Variants in RUNX1 observed in about 807,000 individuals in gnomAD.
RUNX1 encodes RUNX family transcription factor 1, also known as runt-related transcription factor 1.
RUNX1 carries 19 observed loss-of-function variants against 42.8 expected under a neutral mutation model. The ratio of observed to expected loss-of-function variants is 0.44; its 90% confidence interval spans 0.31 to 0.65. The LOEUF is 0.65. Among genes scored for constraint, RUNX1 ranks in the 30% least tolerant of loss-of-function variants. The probability of loss-of-function intolerance (pLI) is 0.07; values close to 1 mark genes in which losing one functional copy is unlikely to be tolerated. For synonymous variants in RUNX1, 271 were observed against 289.4 expected, an observed-to-expected ratio of 0.94 and a Z score of 0.64; for missense variants, 528 against 672.0, an observed-to-expected ratio of 0.79 and a Z score of 2.37.
At position 34,793,321 on chromosome 21, in the gene RUNX1, T is replaced by C. The variant is rs550482737; in HGVS notation, c.968-711A>G. 2.2e-4 allele frequency among the ~76,000 whole-genome samples: 33 copies of C among 152,208 alleles called. 1 individual carries two copies. The East Asian group carries it at 6.4e-3, about 29-fold the overall frequency. On this transcript the variant is annotated intron_variant, in intron 8 of 8. Transcript: ENST00000675419. Reference sequence around the variant, plus strand: ...TCATGTAATGTAATATGACATGATATATGAAATGATGTAGTATAGCATAAT... The same window carrying C: ...TCATGTAATGTAATATGACATGATACATGAAATGATGTAGTATAGCATAAT...
At chr21:35,028,401 CA>C (rs1478578033) in intron 2 of RUNX1, among the ~76,000 whole-genome samples, 1 of 152,210 alleles carries the variant, frequency 6.6e-6, no homozygotes, top group East Asian at 1.9e-4. Flanking sequence ...TTGCTGTTCA[CA>C]GGCGAGCCTC....
intron 2 of RUNX1, among the ~76,000 whole-genome samples, chr21:34,917,687 G>A (rs894843453): frequency 1.3e-5 from 2 of 152,068 alleles, no homozygotes; most frequent in South Asian, 2.1e-4. Context: ...AGCCTGGAAC[G>A]TTGAGCCCTC....
intron 2 of RUNX1, among the ~76,000 whole-genome samples, chr21:35,028,007 A>C (rs1183491929): frequency 6.6e-6 from 1 of 152,222 alleles, no homozygotes; most frequent in African/African-American, 2.4e-5. Flanking sequence ...AATCCATGGT[A>C]TATGAATAAA....
intron 3 of RUNX1, chr21:34,889,900 G>GGGGCTGCAACCCC: frequency 9.7e-7 from 1 of 1,034,366 alleles, no homozygotes; most frequent in Non-Finnish European, 1.2e-6. Context: ...CATCCACCCC[G>GGGGCTGCAACCCC]GGGCTGCAAC....
intron 2 of RUNX1, among the ~76,000 whole-genome samples, chr21:35,041,486 G>A (rs562261342): frequency 6.7e-4 from 102 of 152,122 alleles, no homozygotes; most frequent in Non-Finnish European, 1.2e-3. Flanking sequence ...GACACATATG[G>A]ACCATGGCAT....
At chr21:34,825,678 G>A (rs983183370) in intron 7 of RUNX1, among the ~76,000 whole-genome samples, 2 of 152,206 alleles carry the variant, frequency 1.3e-5, no homozygotes, top group Non-Finnish European at 2.9e-5. Flanking sequence ...CAAAGATACA[G>A]CAGTTTGAAC....
chr21:35,022,265 G>A (rs1193785787), intron 2 of RUNX1, among the ~76,000 whole-genome samples: 1 of 152,182 alleles, frequency 6.6e-6, no homozygotes. Flanking sequence ...GGTGTGTGCA[G>A]GCAAGGGCAT....
At position 34,792,847 on chromosome 21, in the gene RUNX1, A is replaced by T. The variant is rs2056468588; in HGVS notation, c.968-237T>A. 6.6e-6 allele frequency among the ~76,000 whole-genome samples: 1 copy of T among 150,780 alleles called. No homozygotes were observed. Among genetic ancestry groups the T allele is most frequent in the Non-Finnish European group, 1.5e-5 (1 of 67,610 alleles). ...GGACCACCCAGGATGCCACCTCCTG[A>T]GATGACGAGGATCACCCAGCATGTC... On this transcript the variant is annotated intron_variant, in intron 8 of 8. Transcript: ENST00000675419. The surrounding 1 kb of genome is among the most constrained non-coding windows in gnomAD (Gnocchi z 6.9).
intron 2 of RUNX1, among the ~76,000 whole-genome samples, chr21:34,919,551 C>T (rs997136984): frequency 6.6e-6 from 1 of 152,200 alleles, no homozygotes; most frequent in Admixed American, 6.5e-5. Flanking sequence ...GGGGGCTTCA[C>T]TCACTCCTTA....
At chr21:34,943,918 C>G (rs2058546101) in intron 2 of RUNX1, among the ~76,000 whole-genome samples, 1 of 152,194 alleles carries the variant, frequency 6.6e-6, no homozygotes, top group Non-Finnish European at 1.5e-5. Flanking sequence ...CACCCTTTCT[C>G]TTTTCCCCAA....
chr21:34,995,622 G>A (rs1419190622), intron 2 of RUNX1, among the ~76,000 whole-genome samples: 1 of 151,826 alleles, frequency 6.6e-6, no homozygotes, highest in Non-Finnish European at 1.5e-5. Context: ...TGTATTTTTT[G>A]TAGAGACAGG....
chr21:34,995,382 C>A (rs937119002), intron 2 of RUNX1, among the ~76,000 whole-genome samples: 1 of 146,360 alleles, frequency 6.8e-6, no homozygotes, highest in Non-Finnish European at 1.5e-5. Flanking sequence ...AAAAGTATGA[C>A]AACTCTGTTG....
intron 2 of RUNX1, among the ~76,000 whole-genome samples, chr21:35,047,555 A>C (rs777725874): frequency 1.2e-5 from 1 of 84,306 alleles, no homozygotes; most frequent in Admixed American, 1.2e-4. Context: ...ACACACACAC[A>C]CACACACTCT....
At chr21:34,960,825 T>G (rs1296314434) in intron 2 of RUNX1, among the ~76,000 whole-genome samples, 1 of 152,332 alleles carries the variant, frequency 6.6e-6, no homozygotes, top group African/African-American at 2.4e-5. Flanking sequence ...GAAAGCTGCC[T>G]GAAGATTGGA....
At chr21:34,873,088 G>A (rs538767873) in intron 5 of RUNX1, among the ~76,000 whole-genome samples, 2 of 152,272 alleles carry the variant, frequency 1.3e-5, no homozygotes, top group South Asian at 4.1e-4. Context: ...ATTATAGATA[G>A]ATAGAAAGAT....
chr21:34,936,114 C>G lies in RUNX1; in HGVS notation c.59-43151G>C, dbSNP rs1011787860. On this transcript the variant is annotated intron_variant, in intron 2 of 8. Transcript: ENST00000675419. The stretch of plus-strand genomic sequence containing the variant: ...TTCCCAGAAGCCCCCCTTTGAATCA[C>G]AACACATATGTGAGTAATGACTGTG... Among the ~76,000 whole-genome samples the G allele has an allele frequency of 2.0e-5, 3 of 149,242 alleles. No homozygotes were observed. In the East Asian group the frequency reaches 6.0e-4, roughly 30 times the overall value.
chr21:34,956,722 A>G (rs370240838), intron 2 of RUNX1, among the ~76,000 whole-genome samples: 2 of 152,104 alleles, frequency 1.3e-5, no homozygotes, highest in East Asian at 3.9e-4. Context: ...AGCAAAGTTG[A>G]TCTGAATTGC....
chr21:34,974,395 C>G (rs532163753), intron 2 of RUNX1, among the ~76,000 whole-genome samples: 247 of 147,372 alleles, frequency 1.7e-3, no homozygotes, highest in African/African-American at 6.0e-3. Context: ...AAACCGAAAC[C>G]GTGAAAAAAA....
At chr21:35,001,534 T>C (rs931557554) in intron 2 of RUNX1, among the ~76,000 whole-genome samples, 3 of 151,970 alleles carry the variant, frequency 2.0e-5, no homozygotes, top group Non-Finnish European at 4.4e-5. Context: ...AACCCACAAC[T>C]AACATAATAC....
Sources: gnomAD v4.1 joint callset for allele counts (sites outside exome capture counted in the v4.1 genomes callset) on GRCh38, gnomAD v4.1.1 for gene constraint, Gnocchi (gnomAD v3.1) non-coding constraint, MANE v1.5 for transcripts, NCBI Gene and HGNC (gene_info 2026-07-23, HGNC 2026-07-21) for gene names.